PIKFYVE: variants seen among roughly 807,000 people sequenced by gnomAD.
The protein encoded by PIKFYVE is 1-phosphatidylinositol 3-phosphate 5-kinase.
PIKFYVE carries 122 observed loss-of-function variants against 257.9 expected under a neutral mutation model. That is an observed-to-expected ratio of 0.47 (90% CI 0.41 to 0.55). The LOEUF is 0.55. Ranked by LOEUF, PIKFYVE falls within the 20% of genes least tolerant of loss-of-function variation. The pLI, the probability that PIKFYVE is intolerant of heterozygous loss-of-function variation, is 0.00. For missense variants in PIKFYVE, 2,160 were observed against 2,536.6 expected (o/e 0.85, Z 3.19); for synonymous variants, 892 against 868.9 (o/e 1.03, Z -0.47).
chr2:208,305,350 T>G, intron 12 of PIKFYVE: 1 of 1,155,008 alleles, frequency 8.7e-7, no homozygotes. Flanking sequence ...TCTATTCTTT[T>G]CTCTTTCTTC....
chr2:208,268,536 A>G lies in PIKFYVE; in HGVS notation c.-10+2121A>G, dbSNP rs149057106. On this transcript the variant is annotated intron_variant, in intron 1 of 41. Coordinates refer to ENST00000264380, the MANE Select transcript of PIKFYVE (RefSeq NM_015040.4). ...AGCGATCCTCCCGTCTCAGCCTCCT[A>G]AAGTGCTGGGATTACAGACATGAGG... Among the ~76,000 whole-genome samples the G allele has an allele frequency of 7.2e-3, 1,083 of 149,908 alleles. 10 individuals are homozygous for G. The highest frequency in any genetic ancestry group is 0.025 in the African/African-American group (1,021 of 40,592).
intron 31 of PIKFYVE, 101 bp downstream of exon 31, chr2:208,340,232 T>A: frequency 7.0e-7 from 1 of 1,428,528 alleles, no homozygotes. Flanking sequence ...GATTTTTCAA[T>A]CCTAAATTTT....
chr2:208,341,396 G>T (rs540467423), intron 31 of PIKFYVE, among the ~76,000 whole-genome samples: 14 of 151,680 alleles, frequency 9.2e-5, no homozygotes, highest in Admixed American at 9.2e-4. Context: ...ATTCAGTCCT[G>T]TTCTTTCTAA....
chr2:208,340,640 A>G (rs1350974048), intron 31 of PIKFYVE, among the ~76,000 whole-genome samples: 1 of 152,200 alleles, frequency 6.6e-6, no homozygotes, highest in Non-Finnish European at 1.5e-5. Context: ...GTGGCTATCA[A>G]ATGCTGCCCT....
chr2:208,314,469 T>G (rs1347086651), intron 14 of PIKFYVE, 46 bp downstream of exon 14: 3 of 1,565,024 alleles, frequency 1.9e-6, no homozygotes, highest in Admixed American at 3.6e-5. Context: ...TTTTATTATC[T>G]TCAGTGACTT....
At chr2:208,320,225 C>G in intron 16 of PIKFYVE, 27 bp from the exon 17 acceptor site, 1 of 1,606,546 alleles carries the variant, frequency 6.2e-7, no homozygotes, top group Non-Finnish European at 8.5e-7. Flanking sequence ...CCTTTAAACA[C>G]TTTAACAAAC....
rs1344837795 is a variant in PIKFYVE, at chr2:208,324,897, T to C, written c.2332-14T>C. On this transcript the variant is annotated splice_polypyrimidine_tract_variant and intron_variant, in intron 18 of 41. Coordinates refer to ENST00000264380, the MANE Select transcript of PIKFYVE (RefSeq NM_015040.4). ...TTCTCTAGTTTTGTAATACAATGTT[T>C]TTCTGTTTTGTAGCAAGTTTTGGAA... 1 of 1,613,134 alleles carries C rather than the reference T, an allele frequency of 6.2e-7. No individual in the cohort carries two copies. Among genetic ancestry groups the C allele is most frequent in the Non-Finnish European group, 8.5e-7 (1 of 1,179,108 alleles).
chr2:208,328,599 G>A (rs1157088999), intron 21 of PIKFYVE, among the ~76,000 whole-genome samples: 3 of 152,074 alleles, frequency 2.0e-5, no homozygotes, highest in African/African-American at 7.2e-5. Flanking sequence ...TTTCAAATTT[G>A]GAAATACTTG....
Position 208,276,768 on chromosome 2 carries a change from C to G in PIKFYVE, c.379C>G (p.Gln127Glu), listed in dbSNP as rs868382052. The G allele has an allele frequency of 1.9e-6, 3 of 1,613,548 alleles. No individual in the cohort carries two copies. Among genetic ancestry groups the G allele is most frequent in the Non-Finnish European group, 2.5e-6 (3 of 1,179,708 alleles). Residue 127 changes from glutamine (Q) to glutamate (E), a missense_variant, in exon 4 of 42, where the codon CAG becomes GAG. Transcript: ENST00000264380. The stretch of plus-strand genomic sequence containing the variant: ...AGGTCATGACCCTCGTACAGCTGTT[C>G]AGCTTCGAAGCCTCAGCACAGTATT... ...FGGHDPRTAV[Q>E]LRSLSTVLKR...
At chr2:208,319,080 G>A (rs1456542669) in intron 16 of PIKFYVE, among the ~76,000 whole-genome samples, 1 of 152,148 alleles carries the variant, frequency 6.6e-6, no homozygotes, top group African/African-American at 2.4e-5. Context: ...ATCACCAGCG[G>A]AAACATTCAA....
At chr2:208,274,273 C>T (rs1219893083) in intron 3 of PIKFYVE, among the ~76,000 whole-genome samples, 1 of 152,188 alleles carries the variant, frequency 6.6e-6, no homozygotes, top group African/African-American at 2.4e-5. Flanking sequence ...ACACAGTCAT[C>T]TCCTTCATTT....
At chr2:208,294,039 G>A (rs970655038) in intron 7 of PIKFYVE, among the ~76,000 whole-genome samples, 6 of 151,438 alleles carry the variant, frequency 4.0e-5, no homozygotes, top group Admixed American at 1.3e-4. Flanking sequence ...TTCTTTTTTC[G>A]GTATTCCCAT....
At chr2:208,266,583 T>C (rs1688660950) in intron 1 of PIKFYVE, among the ~76,000 whole-genome samples, 168 bp downstream of exon 1, 1 of 152,220 alleles carries the variant, frequency 6.6e-6, no homozygotes, top group Non-Finnish European at 1.5e-5. Context: ...AATCTGGCTT[T>C]AGAATTAGCT....
intron 10 of PIKFYVE, 190 bp downstream of exon 10, chr2:208,302,543 CATTTT>C (rs1693822638): frequency 1.7e-6 from 1 of 580,082 alleles, no homozygotes; most frequent in South Asian, 1.9e-5. Flanking sequence ...TAGAATCAAA[CATTTT>C]ATTGTTTACT....
chr2:208,297,651 G>T (rs1693152533), intron 7 of PIKFYVE, among the ~76,000 whole-genome samples: 1 of 152,068 alleles, frequency 6.6e-6, no homozygotes, highest in African/African-American at 2.4e-5. Flanking sequence ...ATGCTGTGAA[G>T]ATTAAATGTG....
intron 11 of PIKFYVE, 25 bp downstream of exon 11, chr2:208,304,343 A>T: frequency 6.2e-7 from 1 of 1,609,066 alleles, no homozygotes; most frequent in Middle Eastern, 1.7e-4. Flanking sequence ...CTAACATTTT[A>T]GTTTTGATGG....
chr2:208,304,774 C>T, intron 11 of PIKFYVE, 72 bp from the exon 12 acceptor site: 2 of 1,440,318 alleles, frequency 1.4e-6, no homozygotes, highest in Non-Finnish European at 2.0e-6. Context: ...TCCTTTCCTC[C>T]AATACCCTGA....
intron 6 of PIKFYVE, among the ~76,000 whole-genome samples, chr2:208,286,424 A>C (rs1691583847): frequency 6.6e-6 from 1 of 152,042 alleles, no homozygotes. Flanking sequence ...CTGCTACTTC[A>C]TGTTTTTTTG....
chr2:208,295,225 G>A (rs1692819778), intron 7 of PIKFYVE, among the ~76,000 whole-genome samples: 1 of 152,224 alleles, frequency 6.6e-6, no homozygotes. Context: ...TTTAGTTGTT[G>A]AGATGGAGTG....
Sources: allele counts gnomAD v4.1 joint callset (sites outside exome capture counted in the v4.1 genomes callset), GRCh38; gene constraint gnomAD v4.1.1; transcripts MANE v1.5; gene names NCBI Gene and HGNC (gene_info 2026-07-23, HGNC 2026-07-21).